CEP128: variants seen among roughly 807,000 people sequenced by gnomAD.
CEP128 encodes centrosomal protein 128kDa.
CEP128 carries 132 observed loss-of-function variants against 156.7 expected under a neutral mutation model. The observed-to-expected ratio is 0.84, with a 90% CI of 0.73 to 0.97. The LOEUF is 0.97. Among genes scored for constraint, CEP128 ranks in the 50% least tolerant of loss-of-function variants. The pLI is 0.00. For missense variants in CEP128, 1,252 were observed against 1,281.9 expected (o/e 0.98, Z 0.36); for synonymous variants, 469 against 448.9 (o/e 1.04, Z -0.57).
intron 24 of CEP128, among the ~76,000 whole-genome samples, chr14:80,504,307 C>T (rs933657091): frequency 6.6e-6 from 1 of 152,168 alleles, no homozygotes; most frequent in Non-Finnish European, 1.5e-5. Flanking sequence ...ACTGTGGGTG[C>T]TCATAACAGA....
At chr14:80,840,800 CA>C in intron 9 of CEP128, 32 bp from the exon 10 acceptor site, 1 of 1,331,888 alleles carries the variant, frequency 7.5e-7, no homozygotes. Context: ...AAAATTATCC[CA>C]AAATATGTAC....
chr14:80,633,429 C>G (rs981693199), intron 19 of CEP128, among the ~76,000 whole-genome samples: 31 of 152,166 alleles, frequency 2.0e-4, no homozygotes. Context: ...GTTAATACCC[C>G]TTGTAGAGCT....
chr14:80,598,209 A>G (rs1169090869), intron 19 of CEP128, among the ~76,000 whole-genome samples: 2 of 152,068 alleles, frequency 1.3e-5, no homozygotes, highest in Non-Finnish European at 2.9e-5. Context: ...AAGAATCTAC[A>G]AAACAAAACA....
chr14:80,819,654 A>T (rs73344662), intron 13 of CEP128, among the ~76,000 whole-genome samples: 3,165 of 152,142 alleles, frequency 0.021, 41 homozygotes, highest in Middle Eastern at 0.065. Flanking sequence ...TGGGGATTAG[A>T]TTTGAAATTT....
chr14:80,872,965 T>C (rs1408430249), intron 8 of CEP128, among the ~76,000 whole-genome samples: 1 of 152,172 alleles, frequency 6.6e-6, no homozygotes, highest in African/African-American at 2.4e-5. Flanking sequence ...CCATAAGAAA[T>C]TTGAGATGCC....
Position 80,599,898 on chromosome 14 carries a change from A to C in CEP128, c.2807-19475T>G, listed in dbSNP as rs374379660. 5.1e-4 allele frequency among the ~76,000 whole-genome samples: 77 copies of C among 152,354 alleles called. No homozygotes were observed. In the South Asian group the frequency reaches 6.2e-3, roughly 12 times the overall value. On this transcript the variant is annotated intron_variant, in intron 19 of 24. Coordinates refer to ENST00000555265, the MANE Select transcript of CEP128 (RefSeq NM_152446.5). ...GTAGAGAAACTGAAATTTAAAAATA[A>C]TTAAAGAGGCTCAGTAGCAGATTTG...
At chr14:80,857,841 T>C (rs10151410) in intron 9 of CEP128, among the ~76,000 whole-genome samples, 10,115 of 151,416 alleles carry the variant, frequency 0.067, 1,122 homozygotes, top group African/African-American at 0.23. Context: ...TAAAAGAATA[T>C]AGTCATACAA....
intron 19 of CEP128, among the ~76,000 whole-genome samples, chr14:80,676,284 T>C (rs972274726): frequency 9.2e-5 from 14 of 152,246 alleles, no homozygotes; most frequent in Non-Finnish European, 1.5e-4. Context: ...TTTTGGTAAA[T>C]ACCTTCCATG....
rs67179008 is a variant in CEP128 at position 80,781,455 on chromosome 14, CA to C, written c.2212-3410del. The stretch of plus-strand genomic sequence containing the variant: ...CTGGTGACAGAGCGAGACTCCGTCT[CA>C]AAAAAAAAAAAAAAAAAAAGTAATG... On this transcript the variant is annotated intron_variant, in intron 15 of 24. Transcript: ENST00000555265. Among the ~76,000 whole-genome samples the C allele has an allele frequency of 2.3e-3, 206 of 90,500 alleles. No homozygotes were observed. The Middle Eastern group carries it at 0.039, about 17-fold the overall frequency. The allele number at this position is 90,500 out of a possible 152,430, so 59.4% of individuals were successfully genotyped here. A position where few individuals can be genotyped will look rare whatever the true frequency, so the allele number is the denominator to read the frequency against.
At chr14:80,569,092 T>A (rs1240248499) in intron 20 of CEP128, among the ~76,000 whole-genome samples, 1 of 152,200 alleles carries the variant, frequency 6.6e-6, no homozygotes, top group Non-Finnish European at 1.5e-5. Flanking sequence ...AAAGCTCTAT[T>A]ATCTTAAAGT....
At chr14:80,577,936 C>T (rs1891427406) in intron 20 of CEP128, among the ~76,000 whole-genome samples, 1 of 152,162 alleles carries the variant, frequency 6.6e-6, no homozygotes, top group Non-Finnish European at 1.5e-5. Context: ...ATCCTTTCCA[C>T]TGCTAACTCC....
intron 2 of CEP128, among the ~76,000 whole-genome samples, chr14:80,935,353 C>A (rs1430973377): frequency 6.6e-6 from 1 of 151,880 alleles, no homozygotes; most frequent in African/African-American, 2.4e-5. Flanking sequence ...GAGTTCAAGA[C>A]CAGCCTGGCC....
intron 13 of CEP128, among the ~76,000 whole-genome samples, chr14:80,816,980 C>G (rs1049533171): frequency 7.1e-6 from 1 of 140,908 alleles, no homozygotes; most frequent in African/African-American, 2.6e-5. Context: ...AAAAAAGGAA[C>G]AACTAGGTAG....
At chr14:80,812,853 G>A (rs1279305000) in intron 13 of CEP128, among the ~76,000 whole-genome samples, 2 of 152,098 alleles carry the variant, frequency 1.3e-5, no homozygotes, top group African/African-American at 2.4e-5. Flanking sequence ...GTGAGCCACC[G>A]CGCCCGGCCT....
chr14:80,651,178 T>C (rs900235256), intron 19 of CEP128, among the ~76,000 whole-genome samples: 3 of 152,208 alleles, frequency 2.0e-5, no homozygotes, highest in Non-Finnish European at 2.9e-5. Context: ...TTTCCATTTC[T>C]TCTAGATTTT....
intron 20 of CEP128, among the ~76,000 whole-genome samples, chr14:80,573,538 G>A (rs1183103811): frequency 6.6e-6 from 1 of 152,108 alleles, no homozygotes; most frequent in Non-Finnish European, 1.5e-5. Context: ...CTATTTTCAA[G>A]TTTTATACTG....
chr14:80,949,290 T>A (rs1027773111), intron 2 of CEP128, among the ~76,000 whole-genome samples: 1 of 152,080 alleles, frequency 6.6e-6, no homozygotes, highest in Non-Finnish European at 1.5e-5. Flanking sequence ...GTGGATTCTT[T>A]AATTGGGGAG....
intron 19 of CEP128, among the ~76,000 whole-genome samples, chr14:80,595,462 A>G (rs973819536): frequency 3.9e-5 from 6 of 152,208 alleles, no homozygotes; most frequent in South Asian, 4.1e-4. Context: ...CCCAGAATTT[A>G]AAGTACAATT....
chr14:80,573,089 A>AT lies in CEP128; in HGVS notation c.2856+7284dup, dbSNP rs34024851. 1.6e-3 allele frequency among the ~76,000 whole-genome samples: 230 copies of AT among 144,792 alleles called. 3 individuals carry two copies. The highest frequency in any genetic ancestry group is 7.5e-3 in the East Asian group (37 of 4,908). The allele number at this position is 144,792 out of a possible 152,430, so 95.0% of individuals were successfully genotyped here. On this transcript the variant is annotated intron_variant, in intron 20 of 24. Transcript: ENST00000555265. Reference sequence around the variant, plus strand: ...AGGTGTGGGCTACCACGCCTGACTAATTTTTTTTTTTTTTTAGTAGAGACG... The same window carrying AT: ...AGGTGTGGGCTACCACGCCTGACTAATTTTTTTTTTTTTTTTAGTAGAGACG...
Sources: gnomAD v4.1 joint callset for allele counts (sites outside exome capture counted in the v4.1 genomes callset) on GRCh38, gnomAD v4.1.1 for gene constraint, MANE v1.5 for transcripts, NCBI Gene and HGNC (gene_info 2026-07-23, HGNC 2026-07-21) for gene names.